ITGA1: variants seen among roughly 807,000 people sequenced by gnomAD.
The protein encoded by ITGA1 is integrin subunit alpha 1, also known as integrin alpha-1.
Under a neutral mutation model 145.9 loss-of-function variants are expected in ITGA1, and 85 were observed. That is an observed-to-expected ratio of 0.58 (90% CI 0.49 to 0.70). The LOEUF is 0.70. ITGA1 is among the 30% of genes least tolerant of loss of function. The probability of loss-of-function intolerance (pLI) is 0.00; values close to 1 mark genes in which losing one functional copy is unlikely to be tolerated. For synonymous variants in ITGA1, 520 were observed against 495.3 expected, an observed-to-expected ratio of 1.05 and a Z score of -0.66; for missense variants, 1,351 against 1,418.7, an observed-to-expected ratio of 0.95 and a Z score of 0.77.
chr5:52,918,758 T>C lies in ITGA1; in HGVS notation c.2015T>C (p.Val672Ala), dbSNP rs781617151. 1.2e-6 allele frequency: 2 copies of C among 1,611,418 alleles called. No individual in the cohort carries two copies. Among genetic ancestry groups the C allele is most frequent in the Non-Finnish European group, 8.5e-7 (1 of 1,179,088 alleles). The change falls in exon 16 of 29, where the codon GTG becomes GCG. Residue 672 changes from valine to alanine, a missense_variant. Coordinates refer to ENST00000282588, the MANE Select transcript of ITGA1 (RefSeq NM_181501.2). ...TCCCGAGATGTGGCCGTAGTTAAAGTGACCATGAATTTTGAGCCAAATAAA... is the reference window on the plus strand; with the variant it reads ...TCCCGAGATGTGGCCGTAGTTAAAGCGACCATGAATTTTGAGCCAAATAAA... ...FWSRDVAVVK[V>A]TMNFEPNKVN...
intron 16 of ITGA1, among the ~76,000 whole-genome samples, chr5:52,919,542 A>G (rs1750701247): frequency 6.6e-6 from 1 of 152,156 alleles, no homozygotes; most frequent in African/African-American, 2.4e-5. Context: ...AAGAAGAGAA[A>G]TTTACTCTGT....
chr5:52,894,253 G>A (rs1320621805), intron 9 of ITGA1, among the ~76,000 whole-genome samples: 1 of 152,064 alleles, frequency 6.6e-6, no homozygotes, highest in Non-Finnish European at 1.5e-5. Context: ...GTGCTCTTAT[G>A]CAATAACTTC....
chr5:52,891,821 G>T (rs557075919), intron 8 of ITGA1, among the ~76,000 whole-genome samples: 1 of 151,344 alleles, frequency 6.6e-6, no homozygotes, highest in South Asian at 2.1e-4. Flanking sequence ...TACATATTGG[G>T]GATTTTTAAA....
At position 52,929,682 on chromosome 5, in the gene ITGA1, A is replaced by G; in HGVS notation, c.2752A>G (p.Ile918Val). 2 of 1,587,724 alleles carry G rather than the reference A, an allele frequency of 1.3e-6. No homozygotes were observed. Among genetic ancestry groups the G allele is most frequent in the Non-Finnish European group, 1.7e-6 (2 of 1,159,240 alleles). Residue 918 changes from isoleucine to valine, a missense_variant, in exon 21 of 29, where the codon ATT becomes GTT. Transcript: ENST00000282588. ...ATCCTATCTCATGGAAAATGTGACC[A>G]TTTATTTAAGTGCAACAAGGTTGGT... Reference protein sequence around the residue: ...NTSYLMENVTIYLSATSDSEE... With the variant: ...NTSYLMENVTVYLSATSDSEE...
intron 1 of ITGA1, chr5:52,801,664 C>G (rs1427881146): frequency 6.2e-7 from 1 of 1,614,060 alleles, no homozygotes; most frequent in Non-Finnish European, 8.5e-7. Context: ...CACACGGAGC[C>G]GGTATGTGAG....
At position 52,915,614 on chromosome 5, in the gene ITGA1, C is replaced by T. The variant is rs746163443; in HGVS notation, c.1988+20C>T. On this transcript the variant is annotated intron_variant, in intron 15 of 28. Transcript: ENST00000282588. ...CTTCTGGTATGTATTTTAATAACATCCTGTTAATCTGAGACTGGGTCACTT... is the reference window on the plus strand; with the variant it reads ...CTTCTGGTATGTATTTTAATAACATTCTGTTAATCTGAGACTGGGTCACTT... 4 of 1,612,316 alleles carry T rather than the reference C, an allele frequency of 2.5e-6. No individual in the cohort carries two copies. The highest frequency in any genetic ancestry group is 3.4e-6 in the Non-Finnish European group (4 of 1,179,360).
rs1236778440 is a variant in ITGA1 at position 52,952,701 on chromosome 5, GT to G, written c.*255del. 1 of 201,630 alleles carries G rather than the reference GT, an allele frequency of 5.0e-6. No homozygotes were observed. The highest frequency in any genetic ancestry group is 6.0e-5 in the Admixed American group (1 of 16,646). 12.5% of individuals were successfully genotyped at this position (201,630 alleles called of 1,614,324 possible). A position where few individuals can be genotyped will look rare whatever the true frequency, so the allele number is the denominator to read the frequency against. On this transcript the variant is annotated 3_prime_UTR_variant, in exon 29 of 29. Coordinates refer to ENST00000282588, the MANE Select transcript of ITGA1 (RefSeq NM_181501.2). ...TGTTGAGTAAGCAAAATTACAAAGT[GT>G]TTTTAAAAAAACCTGTACAAATATG... is the stretch of plus-strand genomic sequence containing the variant.
At position 52,952,707 on chromosome 5, in the gene ITGA1, A is replaced by T. The variant is rs1019913954; in HGVS notation, c.*256A>T. On this transcript the variant is annotated 3_prime_UTR_variant, in exon 29 of 29. Transcript: ENST00000282588. ...GTAAGCAAAATTACAAAGTGTTTTT[A>T]AAAAAACCTGTACAAATATGTTTAT... The T allele has an allele frequency of 1.0e-5, 2 of 197,910 alleles. No individual in the cohort carries two copies. Among genetic ancestry groups the T allele is most frequent in the South Asian group, 1.7e-4 (1 of 5,828 alleles). 12.3% of individuals were successfully genotyped at this position (197,910 alleles called of 1,614,324 possible).
At chr5:52,906,450 A>G (rs538789230) in intron 12 of ITGA1, among the ~76,000 whole-genome samples, 56 of 152,300 alleles carry the variant, frequency 3.7e-4, no homozygotes, top group Non-Finnish European at 7.2e-4. Flanking sequence ...AAAAATTCTT[A>G]TTAGGTAGTA....
At chr5:52,800,833 G>C (rs1024183492) in intron 1 of ITGA1, 1 of 1,609,360 alleles carries the variant, frequency 6.2e-7, no homozygotes, top group Non-Finnish European at 8.5e-7. Context: ...GGAAGGCCTC[G>C]CCCATATCTG....
At chr5:52,848,539 C>A (rs988708632) in intron 1 of ITGA1, among the ~76,000 whole-genome samples, 1 of 151,970 alleles carries the variant, frequency 6.6e-6, no homozygotes, top group Admixed American at 6.6e-5. Context: ...TATTTGTGTT[C>A]TTTAAAGTCA....
At position 52,861,433 on chromosome 5, in the gene ITGA1, T is replaced by C; in HGVS notation, c.183-14T>C. 6.5e-7 allele frequency: 1 copy of C among 1,528,932 alleles called. No homozygotes were observed. The highest frequency in any genetic ancestry group is 2.2e-5 in the East Asian group (1 of 44,476). 94.7% of individuals were successfully genotyped at this position (1,528,932 alleles called of 1,614,324 possible). On this transcript the variant is annotated splice_polypyrimidine_tract_variant and intron_variant, in intron 2 of 28. Coordinates refer to ENST00000282588, the MANE Select transcript of ITGA1 (RefSeq NM_181501.2). The stretch of plus-strand genomic sequence containing the variant: ...CAATGTTCAAAAATGTTTACTGATT[T>C]ATTTAACTTCCAGGGTGCTTATTGG...
At chr5:52,925,220 GT>G in intron 18 of ITGA1, 57 bp from the exon 19 acceptor site, 1 of 1,306,816 alleles carries the variant, frequency 7.7e-7, no homozygotes, top group Non-Finnish European at 1.1e-6. Context: ...AAATTGATGG[GT>G]AATTTTCAAC....
chr5:52,800,599 G>A, intron 1 of ITGA1: 3 of 1,613,730 alleles, frequency 1.9e-6, no homozygotes, highest in Non-Finnish European at 2.5e-6. Flanking sequence ...CACTCTCTGC[G>A]TGGAGGCCAT....
chr5:52,929,790 C>A, intron 21 of ITGA1, 89 bp downstream of exon 21: 1 of 659,740 alleles, frequency 1.5e-6, no homozygotes, highest in Non-Finnish European at 2.6e-6. Flanking sequence ...AACTCACTGA[C>A]AGTTTCTTCC....
At position 52,905,806 on chromosome 5, in the gene ITGA1, C is replaced by G. The variant is rs1561243700; in HGVS notation, c.1353C>G (p.Leu451=). 6.2e-7 allele frequency: 1 copy of G among 1,613,652 alleles called. No individual in the cohort carries two copies. The highest frequency in any genetic ancestry group is 1.7e-5 in the Admixed American group (1 of 59,998). ...CTACTGCTTCTTCTGGAGATGTGCT[C>G]TATATTGCTGGACAGCCTCGGTACA... The part of the protein sequence containing the change: ...NSATASSGDV[L]YIAGQPRYNH... The change falls in exon 12 of 29, where the codon CTC becomes CTG. Residue 451 remains leucine, a synonymous_variant. Coordinates refer to ENST00000282588, the MANE Select transcript of ITGA1 (RefSeq NM_181501.2).
Position 52,939,923 on chromosome 5 carries a change from G to A in ITGA1, c.3264G>A (p.Leu1088=). 6.2e-7 allele frequency: 1 copy of A among 1,602,604 alleles called. No individual in the cohort carries two copies. The highest frequency in any genetic ancestry group is 8.5e-7 in the Non-Finnish European group (1 of 1,169,630). Residue 1088 remains leucine (L), a synonymous_variant, in exon 26 of 29, where the codon TTG becomes TTA. Transcript: ENST00000282588. ...GCCAAGTCAATGTTTCGCTTATCTTGTGGAAACCAACTTTTATAAAAGTAA... is the reference window on the plus strand; with the variant it reads ...GCCAAGTCAATGTTTCGCTTATCTTATGGAAACCAACTTTTATAAAAGTAA... The part of the protein sequence containing the change: ...DISQVNVSLI[L]WKPTFIKSYF...
At chr5:52,922,511 G>A (rs1561250437) in intron 17 of ITGA1, among the ~76,000 whole-genome samples, 1 of 152,134 alleles carries the variant, frequency 6.6e-6, no homozygotes, top group Non-Finnish European at 1.5e-5. Flanking sequence ...CAAGTGTGAT[G>A]TTGCCATCAC....
intron 6 of ITGA1, among the ~76,000 whole-genome samples, chr5:52,870,426 T>A (rs901565804): frequency 3.9e-5 from 5 of 127,212 alleles, no homozygotes; most frequent in African/African-American, 1.6e-4. Context: ...CATACCAAAT[T>A]TCTAAAAGAC....
Sources: gnomAD v4.1 joint callset for allele counts (sites outside exome capture counted in the v4.1 genomes callset) on GRCh38, gnomAD v4.1.1 for gene constraint, MANE v1.5 for transcripts, NCBI Gene and HGNC (gene_info 2026-07-23, HGNC 2026-07-21) for gene names.